Variants in PIK3C3 observed in about 807,000 individuals in gnomAD.
The protein encoded by PIK3C3 is PI3-kinase type 3.
In PIK3C3, 95 loss-of-function variants were observed where a neutral mutation model predicts 126.1. The ratio of observed to expected loss-of-function variants is 0.75; its 90% CI spans 0.64 to 0.89. The LOEUF is 0.89. Among genes scored for constraint, PIK3C3 ranks in the 40% least tolerant of loss-of-function variants. PIK3C3 has a pLI of 0.00. For missense variants in PIK3C3, 829 were observed against 1,063.2 expected, an observed-to-expected ratio of 0.78 and a Z score of 3.06; for synonymous variants, 374 against 360.0, an observed-to-expected ratio of 1.04 and a Z score of -0.44.
intron 4 of PIK3C3, among the ~76,000 whole-genome samples, chr18:41,979,175 C>T (rs1981076325): frequency 6.6e-6 from 1 of 151,410 alleles, no homozygotes; most frequent in South Asian, 2.1e-4. Flanking sequence ...AACTGAGCTT[C>T]TGAAACAATT....
intron 19 of PIK3C3, among the ~76,000 whole-genome samples, chr18:42,043,428 T>C (rs995887751): frequency 3.3e-5 from 5 of 152,180 alleles, no homozygotes; most frequent in Non-Finnish European, 5.9e-5. Context: ...TTAATCGTAT[T>C]TTCAGATAAT....
intron 24 of PIK3C3, among the ~76,000 whole-genome samples, chr18:42,070,147 C>T (rs1420762824): frequency 6.6e-6 from 1 of 152,204 alleles, no homozygotes; most frequent in Admixed American, 6.5e-5. Flanking sequence ...TGCTGCTCTA[C>T]AGCATGGTGA....
chr18:41,993,656 AGAACTGGTATT>A (rs1248113421), intron 7 of PIK3C3, among the ~76,000 whole-genome samples: 1 of 151,862 alleles, frequency 6.6e-6, no homozygotes, highest in Non-Finnish European at 1.5e-5. Context: ...AAGACTTGGC[AGAACTGGTATT>A]TGAAAGATTG....
chr18:42,069,413 C>T (rs1006979834), intron 24 of PIK3C3, among the ~76,000 whole-genome samples: 1 of 152,142 alleles, frequency 6.6e-6, no homozygotes, highest in Non-Finnish European at 1.5e-5. Context: ...GGGACAAAAC[C>T]AAGACTTAAA....
chr18:42,038,993 C>A (rs1418671942), intron 18 of PIK3C3, 143 bp downstream of exon 18: 6 of 601,920 alleles, frequency 1.0e-5, no homozygotes, highest in Non-Finnish European at 1.8e-5. Flanking sequence ...TGCCTGCTTC[C>A]CTTCTGTCTT....
intron 17 of PIK3C3, among the ~76,000 whole-genome samples, chr18:42,038,445 A>G (rs1195436339): frequency 1.3e-5 from 2 of 151,846 alleles, no homozygotes. Flanking sequence ...GGGTTCAAGC[A>G]ATTCTCCTGC....
At chr18:41,972,871 G>A (rs1980737073) in intron 4 of PIK3C3, among the ~76,000 whole-genome samples, 1 of 152,016 alleles carries the variant, frequency 6.6e-6, no homozygotes, top group African/African-American at 2.4e-5. Context: ...TATCCCAGCT[G>A]CTATTGAAGA....
chr18:42,060,539 G>A (rs1252282934), intron 22 of PIK3C3, among the ~76,000 whole-genome samples: 1 of 152,170 alleles, frequency 6.6e-6, no homozygotes, highest in Admixed American at 6.5e-5. Context: ...GGGAGGCTGA[G>A]GTGGGTGGAT....
intron 18 of PIK3C3, 30 bp downstream of exon 18, chr18:42,038,880 C>T: frequency 7.5e-7 from 1 of 1,335,136 alleles, no homozygotes; most frequent in Non-Finnish European, 1.1e-6. Context: ...TTATTATTTA[C>T]TTTAGTGTAC....
intron 21 of PIK3C3, 126 bp from the exon 22 acceptor site, chr18:42,057,757 A>G: frequency 1.2e-6 from 1 of 809,344 alleles, no homozygotes; most frequent in Non-Finnish European, 1.9e-6. Flanking sequence ...CGAAGAATTT[A>G]ATAGGCTTCA....
intron 19 of PIK3C3, among the ~76,000 whole-genome samples, chr18:42,040,976 T>G (rs1483748320): frequency 6.6e-6 from 1 of 152,116 alleles, no homozygotes; most frequent in Non-Finnish European, 1.5e-5. Context: ...CAGGCATTAA[T>G]TGGTGAACAC....
chr18:42,041,300 G>A (rs1984307081), intron 19 of PIK3C3, among the ~76,000 whole-genome samples: 1 of 151,954 alleles, frequency 6.6e-6, no homozygotes, highest in Non-Finnish European at 1.5e-5. Context: ...TAATTTATTT[G>A]ATATTAATTG....
chr18:42,054,180 A>C (rs182414596), intron 21 of PIK3C3, among the ~76,000 whole-genome samples: 1,797 of 78,868 alleles, frequency 0.023, 320 homozygotes, highest in African/African-American at 0.076. Context: ...ATATATATAT[A>C]TATATATATA....
intron 4 of PIK3C3, among the ~76,000 whole-genome samples, chr18:41,984,257 T>C (rs191391789): frequency 9.7e-4 from 147 of 152,246 alleles, no homozygotes; most frequent in African/African-American, 3.2e-3. Context: ...CCTGTGTCTA[T>C]TGTTCATTTT....
intron 10 of PIK3C3, among the ~76,000 whole-genome samples, chr18:42,012,706 T>A (rs1161489047): frequency 6.6e-6 from 1 of 152,186 alleles, no homozygotes; most frequent in Non-Finnish European, 1.5e-5. Context: ...CTCAGTAAAG[T>A]GAAAGCTACT....
At chr18:42,051,147 T>C (rs1984784368) in intron 21 of PIK3C3, 1 of 152,254 alleles carries the variant, frequency 6.6e-6, no homozygotes, top group African/African-American at 2.4e-5. Context: ...CTAGAGCTTG[T>C]TGAGTTCTTA....
intron 21 of PIK3C3, among the ~76,000 whole-genome samples, chr18:42,054,189 T>C (rs1321429235): frequency 1.1e-5 from 1 of 94,392 alleles, no homozygotes; most frequent in Non-Finnish European, 2.1e-5. Context: ...TATATATATA[T>C]ATAAAGGGGA....
chr18:42,003,166 A>G (rs1461619678), intron 9 of PIK3C3, among the ~76,000 whole-genome samples: 1 of 151,930 alleles, frequency 6.6e-6, no homozygotes, highest in Non-Finnish European at 1.5e-5. Flanking sequence ...AAGTTAGGGG[A>G]TGGGTTTGAA....
At chr18:42,019,235 T>A (rs1033520762) in intron 12 of PIK3C3, among the ~76,000 whole-genome samples, 1 of 152,170 alleles carries the variant, frequency 6.6e-6, no homozygotes, top group African/African-American at 2.4e-5. Context: ...CAAGTATGTG[T>A]TAGAATTTTC....
Sources: gnomAD v4.1 joint callset for allele counts (sites outside exome capture counted in the v4.1 genomes callset) on GRCh38, gnomAD v4.1.1 for gene constraint, MANE v1.5 for transcripts, NCBI Gene and HGNC (gene_info 2026-07-23, HGNC 2026-07-21) for gene names.